CDS1: variants seen among roughly 807,000 people sequenced by gnomAD.
CDS1 encodes phosphatidate cytidylyltransferase 1.
A neutral mutation model predicts 62.1 loss-of-function variants in CDS1; 41 were observed. That is an observed-to-expected ratio of 0.66 (90% CI 0.51 to 0.86). CDS1 has a LOEUF of 0.86. Among genes scored for constraint, CDS1 ranks in the 40% least tolerant of loss-of-function variants. The pLI is 0.00. For missense variants in CDS1, 470 were observed against 550.1 expected, an observed-to-expected ratio of 0.85 and a Z score of 1.46; for synonymous variants, 185 against 192.6, an observed-to-expected ratio of 0.96 and a Z score of 0.32.
chr4:84,633,787 TC>T, intron 6 of CDS1, 69 bp from the exon 7 acceptor site: 1 of 924,902 alleles, frequency 1.1e-6, no homozygotes, highest in Non-Finnish European at 1.5e-6. Flanking sequence ...GGGTTTCAAA[TC>T]GCTGTTGCTT....
chr4:84,645,921 GTGGATGAAT>G (rs1724546195), intron 12 of CDS1, among the ~76,000 whole-genome samples: 3 of 152,164 alleles, frequency 2.0e-5, no homozygotes, highest in Admixed American at 6.5e-5. Flanking sequence ...TGGTGGATGG[GTGGATGAAT>G]ATTGCCATTT....
intron 5 of CDS1, among the ~76,000 whole-genome samples, chr4:84,620,621 G>C (rs1007030010): frequency 6.6e-5 from 10 of 152,082 alleles, no homozygotes; most frequent in Non-Finnish European, 1.3e-4. Flanking sequence ...AGATTCTTAA[G>C]ATAAAGTTAG....
In CDS1 at chr4:84,617,656, A is replaced by G. The variant is rs770160912; in HGVS notation, c.435A>G (p.Leu145=). 7 of 1,415,486 alleles carry G rather than the reference A, an allele frequency of 4.9e-6. No individual in the cohort carries two copies. The highest frequency in any genetic ancestry group is 6.9e-6 in the Non-Finnish European group (7 of 1,017,434). The allele number at this position is 1,415,486 out of a possible 1,614,324, so 87.7% of individuals were successfully genotyped here. A position where few individuals can be genotyped will look rare whatever the true frequency, so the allele number is the denominator to read the frequency against. Residue 145 remains leucine (L), a synonymous_variant, in exon 4 of 13, where the codon CTA becomes CTG. Transcript: ENST00000295887. ...ATGATCTACCATGGTTTAGAACACT[A>G]AGTTGGTAAGTAAGCTTGAAACTAT... is the stretch of plus-strand genomic sequence containing the variant. ...HSYDLPWFRT[L]SWYFLLCVNY... is the part of the protein sequence containing the mutation.
intron 5 of CDS1, among the ~76,000 whole-genome samples, chr4:84,623,492 C>G (rs1199546682): frequency 1.3e-5 from 2 of 152,148 alleles, no homozygotes; most frequent in East Asian, 1.9e-4. Flanking sequence ...ATTTCTCAGG[C>G]CTACTAACAG....
In CDS1 at chr4:84,595,738, T is replaced by G. The variant is rs1722729499; in HGVS notation, c.118-8505T>G. Among the ~76,000 whole-genome samples, 4 of 152,202 alleles carry G rather than the reference T, an allele frequency of 2.6e-5. No homozygotes were observed. In the South Asian group the frequency reaches 8.3e-4, roughly 32 times the overall value. On this transcript the variant is annotated intron_variant, in intron 1 of 12. Transcript: ENST00000295887. ...ATAAGATCTCAGGTAAAAAACAAGT[T>G]TGGGATGGCAGTAATAATTCAGATT...
chr4:84,628,890 T>C (rs2148653713), intron 5 of CDS1, among the ~76,000 whole-genome samples: 1 of 152,282 alleles, frequency 6.6e-6, no homozygotes, highest in South Asian at 2.1e-4. Context: ...CTGGTTCTGC[T>C]TAATGACTGG....
chr4:84,612,501 T>C (rs1368496171), intron 3 of CDS1, among the ~76,000 whole-genome samples: 1 of 152,140 alleles, frequency 6.6e-6, no homozygotes, highest in African/African-American at 2.4e-5. Flanking sequence ...TTCTAACCAC[T>C]CTTTAAGACA....
Position 84,619,044 on chromosome 4 carries a change from TACACACACACACACAC to T in CDS1, c.441-323_441-308del, listed in dbSNP as rs33991933. Reference sequence around the variant, plus strand: ...ACATACACACAAAGTATTAAATTTATACACACACACACACACACACACACACACACACACACACACA... The same window carrying T: ...ACATACACACAAAGTATTAAATTTATACACACACACACACACACACACACA... On this transcript the variant is annotated intron_variant, in intron 4 of 12. Transcript: ENST00000295887. 1.8e-4 allele frequency among the ~76,000 whole-genome samples: 26 copies of T among 140,992 alleles called. 1 individual carries two copies. Among genetic ancestry groups the T allele is most frequent in the South Asian group, 7.6e-4 (3 of 3,960 alleles). The allele number at this position is 140,992 out of a possible 152,430, so 92.5% of individuals were successfully genotyped here. A position where few individuals can be genotyped will look rare whatever the true frequency, so the allele number is the denominator to read the frequency against.
At chr4:84,623,599 C>G (rs1242861891) in intron 5 of CDS1, among the ~76,000 whole-genome samples, 1 of 152,148 alleles carries the variant, frequency 6.6e-6, no homozygotes, top group Non-Finnish European at 1.5e-5. Context: ...GGGGCTTCCC[C>G]TTAATTTATT....
rs747491269 is a variant in CDS1 at position 84,631,855 on chromosome 4, A to G, written c.617A>G (p.His206Arg). 1 of 1,611,490 alleles carries G rather than the reference A, an allele frequency of 6.2e-7. No individual in the cohort carries two copies. ...CMFVLSLVKK[H>R]YRLQFYMFAW... Reference sequence around the variant, plus strand: ...TTTGTACTGAGTTTGGTGAAGAAACATTATCGTCTGCAGTTTTATATGGTG... The same window carrying G: ...TTTGTACTGAGTTTGGTGAAGAAACGTTATCGTCTGCAGTTTTATATGGTG... The change falls in exon 6 of 13, where the codon CAT (histidine) becomes CGT (arginine). Residue 206 changes from histidine to arginine, a missense_variant. By Grantham distance (29) the His-to-Arg change is conservative. Around this residue, in one of 5 missense-constraint regions of CDS1, gnomAD observed 214 missense variants for 242.4 expected, o/e 0.88. Transcript: ENST00000295887.
intron 1 of CDS1, among the ~76,000 whole-genome samples, chr4:84,599,509 T>A (rs980755762): frequency 3.4e-5 from 5 of 146,324 alleles, no homozygotes; most frequent in Non-Finnish European, 6.0e-5. Context: ...CACTAAAAGT[T>A]TGCCCCTTTT....
At chr4:84,594,205 C>T (rs1245960617) in intron 1 of CDS1, among the ~76,000 whole-genome samples, 1 of 151,992 alleles carries the variant, frequency 6.6e-6, no homozygotes, top group Admixed American at 6.6e-5. Flanking sequence ...TACATATGTG[C>T]AAAACAAAAC....
chr4:84,639,519 A>G (rs1310160019), intron 9 of CDS1, among the ~76,000 whole-genome samples: 1 of 152,166 alleles, frequency 6.6e-6, no homozygotes, highest in Non-Finnish European at 1.5e-5. Flanking sequence ...TTAAATAGCT[A>G]TTTTTCATGT....
At chr4:84,597,903 G>A (rs182528123) in intron 1 of CDS1, among the ~76,000 whole-genome samples, 4 of 152,184 alleles carry the variant, frequency 2.6e-5, no homozygotes, top group East Asian at 3.9e-4. Context: ...GAGGTGGGCA[G>A]ATCACGAGGT....
At chr4:84,628,107 A>T (rs1009967395) in intron 5 of CDS1, among the ~76,000 whole-genome samples, 1 of 152,080 alleles carries the variant, frequency 6.6e-6, no homozygotes, top group Non-Finnish European at 1.5e-5. Context: ...AATTTATTTA[A>T]TTTGATGCTA....
chr4:84,647,810 A>T (rs1724601362), intron 12 of CDS1, among the ~76,000 whole-genome samples: 1 of 152,100 alleles, frequency 6.6e-6, no homozygotes, highest in Non-Finnish European at 1.5e-5. Flanking sequence ...TGTTGCTGGG[A>T]TTTCTACTTT....
At chr4:84,613,197 T>C (rs1723381335) in intron 3 of CDS1, among the ~76,000 whole-genome samples, 1 of 152,098 alleles carries the variant, frequency 6.6e-6, no homozygotes, top group Admixed American at 6.6e-5. Flanking sequence ...AAAACCTTGT[T>C]TCTATTCCTA....
chr4:84,585,597 G>A (rs1465269400), intron 1 of CDS1, among the ~76,000 whole-genome samples: 1 of 152,164 alleles, frequency 6.6e-6, no homozygotes, highest in Non-Finnish European at 1.5e-5. Context: ...AACTCTTGGG[G>A]AATTAGTGAA....
Position 84,604,375 on chromosome 4 carries a change from G to A in CDS1, c.245+5G>A, listed in dbSNP as rs1312174630. 2 of 1,612,030 alleles carry A rather than the reference G, an allele frequency of 1.2e-6. No homozygotes were observed. Among genetic ancestry groups the A allele is most frequent in the Admixed American group, 3.3e-5 (2 of 59,778 alleles). ...TCTATCTGGTTTATCTTCAAGGTAT[G>A]ATTGGATGAAGATGAGTATATCTTA... On this transcript the variant is annotated splice_donor_5th_base_variant and intron_variant, in intron 2 of 12. Transcript: ENST00000295887.
Sources: gnomAD v4.1 joint callset for allele counts (sites outside exome capture counted in the v4.1 genomes callset) on GRCh38, gnomAD v4.1.1 for gene constraint, gnomAD v4.1.1 regional missense constraint, MANE v1.5 for transcripts, NCBI Gene and HGNC (gene_info 2026-07-23, HGNC 2026-07-21) for gene names.